Variants in ZNF407 observed in about 807,000 individuals in gnomAD.
ZNF407 encodes the protein zinc finger protein 407.
Under a neutral mutation model 131.2 loss-of-function variants are expected in ZNF407, and 17 were observed. That is an observed-to-expected ratio of 0.13 (90% confidence interval 0.09 to 0.19). The LOEUF is 0.19. ZNF407 is among the 10% of genes least tolerant of loss of function. The pLI is 1.00. For synonymous variants in ZNF407, 1,156 were observed against 1,062.0 expected (o/e 1.09, Z -1.72); for missense variants, 2,681 against 2,830.6 (o/e 0.95, Z 1.20).
At chr18:74,674,037 G>T (rs558317459) in intron 3 of ZNF407, among the ~76,000 whole-genome samples, 1 of 152,318 alleles carries the variant, frequency 6.6e-6, no homozygotes, top group South Asian at 2.1e-4. Context: ...ATTTAATGAA[G>T]AACTAAGTAT....
At chr18:74,860,926 A>G (rs147076176) in intron 4 of ZNF407, among the ~76,000 whole-genome samples, 1 of 152,222 alleles carries the variant, frequency 6.6e-6, no homozygotes, top group African/African-American at 2.4e-5. Flanking sequence ...AAATAAAGCT[A>G]TTTAGCTTTA....
At chr18:75,054,850 G>A (rs1431141740) in intron 8 of ZNF407, among the ~76,000 whole-genome samples, 1 of 152,240 alleles carries the variant, frequency 6.6e-6, no homozygotes, top group Admixed American at 6.5e-5. Context: ...CCTCACTCCT[G>A]AGGGACTGAC....
chr18:74,885,672 G>A (rs1042294897), intron 6 of ZNF407, among the ~76,000 whole-genome samples: 4 of 152,168 alleles, frequency 2.6e-5, no homozygotes, highest in African/African-American at 4.8e-5. Context: ...AGAAATAGAC[G>A]TGTACTACAT....
chr18:74,802,972 G>A (rs1343194171), intron 4 of ZNF407, among the ~76,000 whole-genome samples: 1 of 151,864 alleles, frequency 6.6e-6, no homozygotes, highest in Non-Finnish European at 1.5e-5. Flanking sequence ...GAATTTCAGG[G>A]TATCTCAGGC....
intron 4 of ZNF407, among the ~76,000 whole-genome samples, chr18:74,790,741 A>G (rs1969810784): frequency 6.6e-6 from 1 of 152,148 alleles, no homozygotes; most frequent in South Asian, 2.1e-4. Flanking sequence ...TACAGTACTG[A>G]CTTTTTGTGA....
intron 1 of ZNF407, among the ~76,000 whole-genome samples, chr18:74,616,644 C>T (rs1983299445): frequency 6.6e-6 from 1 of 151,892 alleles, no homozygotes; most frequent in African/African-American, 2.4e-5. Context: ...GTTTCTAGGA[C>T]ACCTGTATAA....
intron 4 of ZNF407, among the ~76,000 whole-genome samples, chr18:74,840,262 C>A (rs77945280): frequency 0.015 from 2,261 of 152,126 alleles, 64 homozygotes; most frequent in African/African-American, 0.051. Flanking sequence ...AGGACTTAGT[C>A]TTTGGCCTGT....
chr18:74,966,556 G>A (rs1258039132), intron 8 of ZNF407, among the ~76,000 whole-genome samples: 1 of 152,102 alleles, frequency 6.6e-6, no homozygotes, highest in African/African-American at 2.4e-5. Context: ...ATGCTGTTTT[G>A]GTTACTGTAG....
intron 3 of ZNF407, among the ~76,000 whole-genome samples, chr18:74,753,154 G>A (rs1199396302): frequency 6.6e-6 from 1 of 152,140 alleles, no homozygotes; most frequent in African/African-American, 2.4e-5. Flanking sequence ...AATTGTGAAT[G>A]GGAGTTCACT....
intron 3 of ZNF407, among the ~76,000 whole-genome samples, chr18:74,671,700 A>T (rs1277034011): frequency 6.6e-6 from 1 of 152,068 alleles, no homozygotes. Context: ...ACATGATCTC[A>T]TTCTTTTTTA....
At chr18:74,749,240 G>A (rs565594574) in intron 3 of ZNF407, among the ~76,000 whole-genome samples, 5 of 152,086 alleles carry the variant, frequency 3.3e-5, no homozygotes, top group Admixed American at 1.3e-4. Flanking sequence ...AGAGCATCGC[G>A]TGTACAGGTC....
chr18:74,633,073 AACC>A lies in ZNF407; in HGVS notation c.2055_2057del (p.Glu685_Pro686delinsAsp). The stretch of plus-strand genomic sequence containing the variant: ...GACTCAGGAAAAGCATCTCAGGAAG[AACC>A]TCTGAAGTCCAGGGTAAGCCATGGT... On this transcript the variant is annotated inframe_deletion, in exon 2 of 9. Coordinates refer to ENST00000299687, the MANE Select transcript of ZNF407 (RefSeq NM_017757.3). 1 of 1,613,984 alleles carries A rather than the reference AACC, an allele frequency of 6.2e-7. No individual in the cohort carries two copies. The highest frequency in any genetic ancestry group is 8.5e-7 in the Non-Finnish European group (1 of 1,179,892).
At chr18:74,973,789 C>A (rs1317864844) in intron 8 of ZNF407, among the ~76,000 whole-genome samples, 1 of 152,090 alleles carries the variant, frequency 6.6e-6, no homozygotes, top group African/African-American at 2.4e-5. Context: ...TCCTGGTGGG[C>A]CCTTGGCTTG....
At chr18:74,987,215 C>T (rs535072636) in intron 8 of ZNF407, among the ~76,000 whole-genome samples, 12 of 151,636 alleles carry the variant, frequency 7.9e-5, no homozygotes, top group African/African-American at 2.4e-4. Context: ...GTGTCAGTAC[C>T]GGGGAATTTT....
intron 8 of ZNF407, among the ~76,000 whole-genome samples, chr18:74,989,749 A>G (rs1972696151): frequency 6.6e-6 from 1 of 151,818 alleles, no homozygotes; most frequent in Admixed American, 6.6e-5. Flanking sequence ...AGGCCAAGGC[A>G]GGAGAATCGC....
intron 8 of ZNF407, among the ~76,000 whole-genome samples, chr18:75,034,967 G>T (rs1017545831): frequency 6.6e-6 from 1 of 152,178 alleles, no homozygotes; most frequent in African/African-American, 2.4e-5. Flanking sequence ...AAGTGTAGTT[G>T]CAGGCTATTA....
chr18:75,033,857 A>G (rs1168632201), intron 8 of ZNF407, among the ~76,000 whole-genome samples: 1 of 152,226 alleles, frequency 6.6e-6, no homozygotes, highest in Non-Finnish European at 1.5e-5. Context: ...GTGATAAGAA[A>G]TTGTGCCCTC....
At chr18:74,672,132 A>G (rs911280289) in intron 3 of ZNF407, among the ~76,000 whole-genome samples, 4 of 152,168 alleles carry the variant, frequency 2.6e-5, no homozygotes, top group Non-Finnish European at 4.4e-5. Flanking sequence ...GAATTGCCAC[A>G]CTGCTTTCCA....
intron 1 of ZNF407, among the ~76,000 whole-genome samples, chr18:74,623,606 C>T (rs1477265605): frequency 6.6e-6 from 1 of 152,210 alleles, no homozygotes; most frequent in Non-Finnish European, 1.5e-5. Context: ...CTTTGATATG[C>T]AGAAAGAAAC....
Sources: gnomAD v4.1 joint callset for allele counts (sites outside exome capture counted in the v4.1 genomes callset) on GRCh38, gnomAD v4.1.1 for gene constraint, MANE v1.5 for transcripts, NCBI Gene and HGNC (gene_info 2026-07-23, HGNC 2026-07-21) for gene names.